STK32B: variants seen among roughly 807,000 people sequenced by gnomAD.
The protein encoded by STK32B is serine/threonine kinase 32B, also known as serine/threonine-protein kinase 32B.
STK32B carries 43 observed loss-of-function variants against 52.6 expected under a neutral mutation model. The ratio of observed to expected loss-of-function variants is 0.82; its 90% CI spans 0.64 to 1.05. The LOEUF (loss-of-function observed/expected upper bound fraction) is 1.05. Among genes scored for constraint, STK32B ranks in the 50% least tolerant of loss-of-function variants. The probability of loss-of-function intolerance (pLI) is 0.00; values close to 1 mark genes in which losing one functional copy is unlikely to be tolerated. For synonymous variants in STK32B, 238 were observed against 204.3 expected, an observed-to-expected ratio of 1.17 and a Z score of -1.41; for missense variants, 621 against 534.6, an observed-to-expected ratio of 1.16 and a Z score of -1.59.
chr4:5,300,508 C>G (rs151227510), intron 3 of STK32B, among the ~76,000 whole-genome samples: 103 of 152,164 alleles, frequency 6.8e-4, no homozygotes, highest in African/African-American at 2.4e-3. Flanking sequence ...CTTTACAGAC[C>G]ACATTATTCT....
At chr4:5,278,948 C>T (rs1577284935) in intron 3 of STK32B, among the ~76,000 whole-genome samples, 1 of 152,214 alleles carries the variant, frequency 6.6e-6, no homozygotes, top group African/African-American at 2.4e-5. Flanking sequence ...AAATCTGCCC[C>T]CATGATCCAG....
intron 11 of STK32B, among the ~76,000 whole-genome samples, chr4:5,471,026 C>A (rs974383611): frequency 3.3e-5 from 5 of 152,200 alleles, no homozygotes; most frequent in Admixed American, 6.5e-5. Context: ...ATCAGCCTGA[C>A]ACCAGTTGCT....
intron 5 of STK32B, among the ~76,000 whole-genome samples, chr4:5,405,098 C>A (rs1464250303): frequency 4.0e-5 from 6 of 151,842 alleles, no homozygotes; most frequent in Admixed American, 1.3e-4. Flanking sequence ...AATCTCTTGA[C>A]CTCATGATCC....
intron 2 of STK32B, among the ~76,000 whole-genome samples, chr4:5,155,028 C>T (rs975722387): frequency 6.6e-6 from 1 of 152,242 alleles, no homozygotes; most frequent in African/African-American, 2.4e-5. Context: ...TCCTCTCTGT[C>T]TTCCTGCTCA....
chr4:5,367,512 A>G (rs547532661), intron 4 of STK32B, among the ~76,000 whole-genome samples: 7 of 152,252 alleles, frequency 4.6e-5, no homozygotes, highest in Non-Finnish European at 8.8e-5. Flanking sequence ...TGCTGTAGAA[A>G]GGACGGGTAT....
intron 7 of STK32B, among the ~76,000 whole-genome samples, chr4:5,455,048 AAG>A (rs1278202362): frequency 6.6e-6 from 1 of 152,170 alleles, no homozygotes; most frequent in Non-Finnish European, 1.5e-5. Flanking sequence ...ATTAACAGAT[AAG>A]AGAGAAGGTG....
Position 5,227,345 on chromosome 4 carries a change from A to G in STK32B, c.260+58895A>G, listed in dbSNP as rs185857852. Among the ~76,000 whole-genome samples, 198 of 152,342 alleles carry G rather than the reference A, an allele frequency of 1.3e-3. No individual in the cohort carries two copies. In the Middle Eastern group the frequency reaches 0.014, roughly 10 times the overall value. ...ACCCACGCATGATTTTTGTAACACAATATATTAGTAATTTGAAAAATAGTC... is the reference window on the plus strand; with the variant it reads ...ACCCACGCATGATTTTTGTAACACAGTATATTAGTAATTTGAAAAATAGTC... On this transcript the variant is annotated intron_variant, in intron 3 of 11. Transcript: ENST00000282908.
chr4:5,053,674 G>C (rs191526567), intron 1 of STK32B, among the ~76,000 whole-genome samples: 1 of 152,024 alleles, frequency 6.6e-6, no homozygotes, highest in Non-Finnish European at 1.5e-5. Flanking sequence ...TGCCTGTTTC[G>C]GTGCTTGTTA....
chr4:5,387,797 T>C (rs1363952652), intron 4 of STK32B, among the ~76,000 whole-genome samples: 1 of 152,090 alleles, frequency 6.6e-6, no homozygotes. Context: ...CAGGCTGGAG[T>C]GCAATGGCAC....
chr4:5,147,664 A>T (rs774865323), intron 2 of STK32B, among the ~76,000 whole-genome samples: 12 of 151,972 alleles, frequency 7.9e-5, no homozygotes, highest in Non-Finnish European at 1.8e-4. Context: ...CTTTTTGTGC[A>T]TTGGTTGAAA....
chr4:5,391,967 G>A (rs1302719890), intron 4 of STK32B, among the ~76,000 whole-genome samples: 5 of 152,090 alleles, frequency 3.3e-5, no homozygotes, highest in East Asian at 1.9e-4. Flanking sequence ...CTGGAGTCTC[G>A]CACCAGCACC....
intron 4 of STK32B, among the ~76,000 whole-genome samples, chr4:5,364,962 A>G (rs1342484957): frequency 2.6e-5 from 4 of 151,920 alleles, no homozygotes; most frequent in Admixed American, 6.6e-5. Flanking sequence ...TGCAACCTCT[A>G]CCTCCTGGGT....
At chr4:5,295,141 A>T (rs764298269) in intron 3 of STK32B, among the ~76,000 whole-genome samples, 1 of 152,128 alleles carries the variant, frequency 6.6e-6, no homozygotes, top group Non-Finnish European at 1.5e-5. Flanking sequence ...ATTGTGGTGG[A>T]TAAGCTTTTT....
At chr4:5,457,212 CTTT>C (rs1230307057) in intron 8 of STK32B, among the ~76,000 whole-genome samples, 4 of 114,930 alleles carry the variant, frequency 3.5e-5, no homozygotes, top group Admixed American at 9.3e-5. Context: ...TTTTTTTTTT[CTTT>C]TTTTTTTTTT....
At chr4:5,096,088 G>A (rs1560148842) in intron 1 of STK32B, among the ~76,000 whole-genome samples, 1 of 152,150 alleles carries the variant, frequency 6.6e-6, no homozygotes, top group African/African-American at 2.4e-5. Flanking sequence ...TCTACAATGA[G>A]CATATGCTAT....
intron 3 of STK32B, among the ~76,000 whole-genome samples, chr4:5,275,556 A>G (rs1214807095): frequency 2.0e-5 from 3 of 151,646 alleles, no homozygotes; most frequent in African/African-American, 7.3e-5. Context: ...ACCTTCTGTG[A>G]ATCAGTTGCT....
intron 1 of STK32B, among the ~76,000 whole-genome samples, chr4:5,116,916 T>C (rs1714755180): frequency 6.6e-6 from 1 of 152,214 alleles, no homozygotes; most frequent in African/African-American, 2.4e-5. Flanking sequence ...TTGTAAATAG[T>C]ATGGTTTTCT....
intron 3 of STK32B, among the ~76,000 whole-genome samples, chr4:5,311,136 TGTG>T (rs1730264905): frequency 6.6e-6 from 1 of 152,206 alleles, no homozygotes; most frequent in African/African-American, 2.4e-5. Context: ...CCTATGTAGA[TGTG>T]GTATAGAAAA....
rs1351809812 is a variant in STK32B at position 5,142,148 on chromosome 4, T to G, written c.108+2188T>G. Among the ~76,000 whole-genome samples, 8 of 152,184 alleles carry G rather than the reference T, an allele frequency of 5.3e-5. 1 individual carries two copies. Among genetic ancestry groups the G allele is most frequent in the Non-Finnish European group, 1.0e-4 (7 of 68,030 alleles). ...GAATGTCCAATACACTAACTATCCT[T>G]GTGCTTGCTGCTTGGGGAGCAAAGT... On this transcript the variant is annotated intron_variant, in intron 2 of 11. Transcript: ENST00000282908.
Sources: gnomAD v4.1 joint callset for allele counts (sites outside exome capture counted in the v4.1 genomes callset) on GRCh38, gnomAD v4.1.1 for gene constraint, MANE v1.5 for transcripts, NCBI Gene and HGNC (gene_info 2026-07-23, HGNC 2026-07-21) for gene names.